The following BCO2 variants were observed in gnomAD, a reference collection of about 807,000 sequenced individuals.
BCO2 encodes the protein beta-carotene oxygenase 2, also known as carotenoid-cleaving dioxygenase, mitochondrial.
A neutral mutation model predicts 65.8 loss-of-function variants in BCO2; 56 were observed. The observed-to-expected ratio is 0.85, with a 90% CI of 0.69 to 1.06. The LOEUF (loss-of-function observed/expected upper bound fraction) is 1.06, where lower values mean the gene tolerates loss of function less well. BCO2 is among the 50% of genes least tolerant of loss of function. The probability of loss-of-function intolerance (pLI) is 0.00; values close to 1 mark genes in which losing one functional copy is unlikely to be tolerated. For missense variants in BCO2, 675 were observed against 698.5 expected, an observed-to-expected ratio of 0.97 and a Z score of 0.38; for synonymous variants, 233 against 242.3, an observed-to-expected ratio of 0.96 and a Z score of 0.36.
chr11:112,181,624 A>T (rs935384383), intron 2 of BCO2: 51 of 782,158 alleles, frequency 6.5e-5, no homozygotes, highest in Admixed American at 3.1e-4. Flanking sequence ...CTCATTGAAC[A>T]CCTAAAAGTG....
chr11:112,210,862 T>A (rs1206447107), intron 8 of BCO2, among the ~76,000 whole-genome samples: 1 of 152,148 alleles, frequency 6.6e-6, no homozygotes, highest in Non-Finnish European at 1.5e-5. Context: ...ATTATAATTA[T>A]GCAAGACATT....
intron 8 of BCO2, among the ~76,000 whole-genome samples, chr11:112,203,092 C>T (rs1166659431): frequency 6.6e-6 from 1 of 151,570 alleles, no homozygotes; most frequent in African/African-American, 2.4e-5. Flanking sequence ...TCCTTATTTC[C>T]TTATTACACT....
intron 8 of BCO2, chr11:112,208,685 A>T (rs997970673): frequency 1.9e-5 from 4 of 207,688 alleles, no homozygotes; most frequent in Non-Finnish European, 4.2e-5. Flanking sequence ...GCTGGAAGAG[A>T]CAATCCTAAA....
In BCO2 at chr11:112,213,874, C is replaced by T. The variant is rs1157087583; in HGVS notation, c.1332+13C>T. Reference sequence around the variant, plus strand: ...GGCTGATGGAACGGTATGCTATGAACAGACATTAGACTAAGACTTTGAACT... The same window carrying T: ...GGCTGATGGAACGGTATGCTATGAATAGACATTAGACTAAGACTTTGAACT... On this transcript the variant is annotated intron_variant, in intron 9 of 11. Coordinates refer to ENST00000357685, the MANE Select transcript of BCO2 (RefSeq NM_031938.7). 1 of 1,540,430 alleles carries T rather than the reference C, an allele frequency of 6.5e-7. No individual in the cohort carries two copies. The highest frequency in any genetic ancestry group is 1.9e-5 in the Admixed American group (1 of 53,330).
chr11:112,217,148 A>C (rs1017386624), intron 11 of BCO2, among the ~76,000 whole-genome samples: 1 of 152,250 alleles, frequency 6.6e-6, no homozygotes, highest in African/African-American at 2.4e-5. Context: ...ACAAGCAAAA[A>C]TATTAAACTC....
chr11:112,188,188 T>C (rs1209803536), intron 2 of BCO2, among the ~76,000 whole-genome samples: 1 of 152,226 alleles, frequency 6.6e-6, no homozygotes, highest in Admixed American at 6.5e-5. Flanking sequence ...CAGTGCTTGT[T>C]CTTCATGTCT....
Position 112,193,778 on chromosome 11 carries a change from T to C in BCO2, c.517+81T>C. On this transcript the variant is annotated intron_variant, in intron 3 of 11. Coordinates refer to ENST00000357685, the MANE Select transcript of BCO2 (RefSeq NM_031938.7). ...AATCTTGAAAATAGATTTTTTTGTG[T>C]ATGTGAGAGGATGTTGAAACTGCTT... 2.0e-6 allele frequency: 3 copies of C among 1,530,248 alleles called. No individual in the cohort carries two copies. The South Asian group carries it at 3.4e-5, about 17-fold the overall frequency. The allele number at this position is 1,530,248 out of a possible 1,614,324, so 94.8% of individuals were successfully genotyped here.
chr11:112,205,432 T>C (rs1258908573), intron 8 of BCO2, among the ~76,000 whole-genome samples: 2 of 152,200 alleles, frequency 1.3e-5, no homozygotes, highest in African/African-American at 4.8e-5. Context: ...ATATGCCTAT[T>C]GGACTTTCAA....
Position 112,195,696 on chromosome 11 carries a change from G to A in BCO2, c.736+941G>A, listed in dbSNP as rs150504719. On this transcript the variant is annotated intron_variant, in intron 5 of 11. Coordinates refer to ENST00000357685, the MANE Select transcript of BCO2 (RefSeq NM_031938.7). Reference sequence around the variant, plus strand: ...TGACCTCAAGTGATCCGTCTGCCTCGGTCTCCCAAAGTGCTGGGATTTCAG... The same window carrying A: ...TGACCTCAAGTGATCCGTCTGCCTCAGTCTCCCAAAGTGCTGGGATTTCAG... Among the ~76,000 whole-genome samples the A allele has an allele frequency of 4.3e-3, 647 of 152,150 alleles. 12 individuals are homozygous for A. In the East Asian group the frequency reaches 0.044, roughly 10 times the overall value.
chr11:112,207,742 G>T (rs1859386234), intron 8 of BCO2, among the ~76,000 whole-genome samples: 1 of 152,134 alleles, frequency 6.6e-6, no homozygotes, highest in African/African-American at 2.4e-5. Flanking sequence ...TTTGAGAGAG[G>T]ACTAACCTCT....
At chr11:112,211,352 A>T (rs2676376) in intron 8 of BCO2, among the ~76,000 whole-genome samples, 88,278 of 148,830 alleles carry the variant, frequency 0.59, 27,692 homozygotes, top group Non-Finnish European at 0.66. Context: ...ACACACACAC[A>T]ATATTTGTTT....
At chr11:112,202,269 T>TTCTC (rs377696576) in intron 8 of BCO2, 79 bp downstream of exon 8, 33 of 1,172,310 alleles carry the variant, frequency 2.8e-5, no homozygotes, top group East Asian at 8.5e-5. Context: ...AATTACATGT[T>TTCTC]TCTCTCTCTC....
chr11:112,188,770 T>TTA (rs201757253), intron 2 of BCO2, among the ~76,000 whole-genome samples: 2 of 151,604 alleles, frequency 1.3e-5, no homozygotes, highest in Admixed American at 6.6e-5. Flanking sequence ...TTTTTTTTTT[T>TTA]AAAGTTTCTC....
chr11:112,213,092 G>A (rs1484480938), intron 8 of BCO2, among the ~76,000 whole-genome samples: 1 of 101,626 alleles, frequency 9.8e-6, no homozygotes, highest in Non-Finnish European at 2.0e-5. Flanking sequence ...CTTACTCTTT[G>A]TTATATAATC....
chr11:112,185,426 G>A lies in BCO2; in HGVS notation c.293+5944G>A, dbSNP rs77432512. On this transcript the variant is annotated intron_variant, in intron 2 of 11. Transcript: ENST00000357685. ...AACCTCTATGGCCAGGAAGGAATCT[G>A]CTTTGTTTTAAACATTTTTAAATAT... Among the ~76,000 whole-genome samples, 1,348 of 152,212 alleles carry A rather than the reference G, an allele frequency of 8.9e-3. 19 individuals are homozygous for A. The highest frequency in any genetic ancestry group is 0.031 in the African/African-American group (1,271 of 41,534).
At chr11:112,184,638 A>G (rs1359743068) in intron 2 of BCO2, among the ~76,000 whole-genome samples, 1 of 152,196 alleles carries the variant, frequency 6.6e-6, no homozygotes, top group African/African-American at 2.4e-5. Context: ...TGGCTCGTCC[A>G]AGATGTAATA....
chr11:112,176,480 G>T (rs1470287734), intron 1 of BCO2: 1 of 127,574 alleles, frequency 7.8e-6, no homozygotes, highest in African/African-American at 2.9e-5. Context: ...TCATCTGAAG[G>T]AGTTGGGAAA....
At chr11:112,215,395 C>T (rs527387322) in intron 10 of BCO2, 8 of 167,300 alleles carry the variant, frequency 4.8e-5, no homozygotes, top group Admixed American at 1.8e-4. Context: ...AAGAAATCCC[C>T]GAGGCTGGAT....
chr11:112,185,525 A>T (rs180684693), intron 2 of BCO2, among the ~76,000 whole-genome samples: 1 of 152,208 alleles, frequency 6.6e-6, no homozygotes, highest in Non-Finnish European at 1.5e-5. Flanking sequence ...TAGGGGAAGC[A>T]TGTACCACCT....
Sources: gnomAD v4.1 joint callset for allele counts (sites outside exome capture counted in the v4.1 genomes callset) on GRCh38, gnomAD v4.1.1 for gene constraint, MANE v1.5 for transcripts, NCBI Gene and HGNC (gene_info 2026-07-23, HGNC 2026-07-21) for gene names.